DOCK7: variants seen among roughly 807,000 people sequenced by gnomAD.
The protein encoded by DOCK7 is dedicator of cytokinesis 7.
DOCK7 carries 138 observed loss-of-function variants against 271.0 expected under a neutral mutation model. The observed-to-expected ratio is 0.51, with a 90% CI of 0.44 to 0.59. The LOEUF (loss-of-function observed/expected upper bound fraction) is 0.59. Among genes scored for constraint, DOCK7 ranks in the 20% least tolerant of loss-of-function variants. DOCK7 has a pLI of 0.00. For synonymous variants in DOCK7, 823 were observed against 876.1 expected, an observed-to-expected ratio of 0.94 and a Z score of 1.07; for missense variants, 2,066 against 2,592.4, an observed-to-expected ratio of 0.80 and a Z score of 4.41.
chr1:62,532,866 G>A (rs1486365948), intron 29 of DOCK7, among the ~76,000 whole-genome samples: 3 of 152,176 alleles, frequency 2.0e-5, no homozygotes, highest in Admixed American at 6.5e-5. Flanking sequence ...TAGTATATGA[G>A]GAGGAAGAGA....
chr1:62,495,748 T>G (rs190720251), intron 38 of DOCK7, 67 bp from the exon 39 acceptor site: 2 of 1,256,472 alleles, frequency 1.6e-6, no homozygotes, highest in African/African-American at 1.5e-5. Flanking sequence ...CAAATTAGTT[T>G]CAGAGATATT....
intron 2 of DOCK7, among the ~76,000 whole-genome samples, chr1:62,656,861 A>C (rs543756795): frequency 1.4e-4 from 21 of 152,176 alleles, no homozygotes; most frequent in Non-Finnish European, 2.6e-4. Context: ...AGCCTGACAA[A>C]ACAAAAAACA....
In DOCK7 at chr1:62,688,268, TGCTGCGGCGACGGCGACGGCGGCGGCG is replaced by T. The variant is rs1038194922; in HGVS notation, c.-31_-5del. ...CGAAGGCGCGGCGCTCGGCCATGGC[TGCTGCGGCGACGGCGACGGCGGCGGCG>T]GCTGCGGCGGGCCGGGTGCGGACCG... On this transcript the variant is annotated 5_prime_UTR_variant, in exon 1 of 50. Transcript: ENST00000635253. 13 of 1,307,808 alleles carry T rather than the reference TGCTGCGGCGACGGCGACGGCGGCGGCG, an allele frequency of 9.9e-6. No individual in the cohort carries two copies. Among genetic ancestry groups the T allele is most frequent in the East Asian group, 6.9e-5 (2 of 29,188 alleles). 81.0% of individuals were successfully genotyped at this position (1,307,808 alleles called of 1,614,324 possible).
At chr1:62,604,374 C>A in intron 14 of DOCK7, 2 of 1,096,270 alleles carry the variant, frequency 1.8e-6, no homozygotes, top group African/African-American at 1.6e-5. Context: ...AACCTCTTAA[C>A]TATAATGAAA....
At chr1:62,565,800 G>C (rs1426115079) in intron 18 of DOCK7, among the ~76,000 whole-genome samples, 3 of 152,150 alleles carry the variant, frequency 2.0e-5, no homozygotes, top group East Asian at 3.9e-4. Context: ...TGTATTTTTA[G>C]AAAACCCCAT....
intron 18 of DOCK7, among the ~76,000 whole-genome samples, chr1:62,572,597 T>C (rs1646818850): frequency 6.6e-6 from 1 of 151,874 alleles, no homozygotes; most frequent in African/African-American, 2.4e-5. Flanking sequence ...GTGAGGGTTC[T>C]CACCCTGGGT....
At chr1:62,579,415 T>C (rs1019381899) in intron 16 of DOCK7, among the ~76,000 whole-genome samples, 1 of 152,110 alleles carries the variant, frequency 6.6e-6, no homozygotes, top group South Asian at 2.1e-4. Context: ...AAAAGGCATC[T>C]TTAGACAACT....
intron 21 of DOCK7, among the ~76,000 whole-genome samples, 156 bp from the exon 22 acceptor site, chr1:62,553,057 A>G: frequency 1.4e-5 from 1 of 70,190 alleles, no homozygotes; most frequent in African/African-American, 6.1e-5. Context: ...TTTTTTTGAG[A>G]CAGAGTCTCT....
intron 1 of DOCK7, among the ~76,000 whole-genome samples, chr1:62,675,164 T>C (rs113150973): frequency 9.8e-4 from 149 of 152,270 alleles, no homozygotes; most frequent in African/African-American, 3.4e-3. Context: ...CATGTAATCC[T>C]AGCATTTTGG....
intron 12 of DOCK7, 51 bp from the exon 13 acceptor site, chr1:62,620,044 G>T: frequency 7.0e-7 from 1 of 1,431,660 alleles, no homozygotes; most frequent in Non-Finnish European, 9.8e-7. Flanking sequence ...ATATAGCCAG[G>T]CACAGTGGCT....
chr1:62,495,759 TCAG>T, intron 38 of DOCK7, 78 bp from the exon 39 acceptor site: 4 of 1,147,452 alleles, frequency 3.5e-6, no homozygotes, highest in Non-Finnish European at 4.9e-6. Flanking sequence ...CAGAGATATT[TCAG>T]ATAAATATCT....
rs1645303854 is a variant in DOCK7, at chr1:62,454,821, G to A, written c.*593C>T. 1 of 185,452 alleles carries A rather than the reference G, an allele frequency of 5.4e-6. No homozygotes were observed. Among genetic ancestry groups the A allele is most frequent in the Admixed American group, 6.1e-5 (1 of 16,366 alleles). 11.5% of individuals were successfully genotyped at this position (185,452 alleles called of 1,614,324 possible). On this transcript the variant is annotated 3_prime_UTR_variant, in exon 50 of 50. Transcript: ENST00000635253. ...TTACACAAAGGTTTTACTAAGTAAA[G>A]TTCTGCAATTCTAAATTCCTGTTTT...
At chr1:62,568,991 T>C (rs71260611) in intron 18 of DOCK7, among the ~76,000 whole-genome samples, 1 of 151,938 alleles carries the variant, frequency 6.6e-6, no homozygotes, top group South Asian at 2.1e-4. Flanking sequence ...TTAGAAAATC[T>C]AGAAGAAATA....
At chr1:62,457,930 A>C (rs1366283603) in intron 48 of DOCK7, 7 of 445,448 alleles carry the variant, frequency 1.6e-5, no homozygotes, top group Non-Finnish European at 2.8e-5. Context: ...CAGGTGGACC[A>C]CTTGAGCCCA....
chr1:62,578,767 T>C (rs536878218), intron 17 of DOCK7, 61 bp downstream of exon 17: 1 of 1,167,134 alleles, frequency 8.6e-7, no homozygotes, highest in Admixed American at 2.9e-5. Flanking sequence ...ATATCAATTA[T>C]ATCTTAAATA....
At chr1:62,502,187 G>A (rs1231177622) in intron 37 of DOCK7, among the ~76,000 whole-genome samples, 1 of 151,490 alleles carries the variant, frequency 6.6e-6, no homozygotes, top group East Asian at 1.9e-4. Context: ...AATAACTTTT[G>A]TAGAATGAAC....
At position 62,555,996 on chromosome 1, in the gene DOCK7, A is replaced by G. The variant is rs766251003; in HGVS notation, c.2432-7T>C. 2 of 1,611,880 alleles carry G rather than the reference A, an allele frequency of 1.2e-6. No homozygotes were observed. The highest frequency in any genetic ancestry group is 2.2e-5 in the East Asian group (1 of 44,826). The stretch of plus-strand genomic sequence containing the variant: ...GATGCTTGACCTAGGTTAACTTTTA[A>G]GAAAGAAGAAGTATTTACCTTTGCT... On this transcript the variant is annotated splice_region_variant and splice_polypyrimidine_tract_variant and intron_variant, in intron 20 of 49. Coordinates refer to ENST00000635253, the MANE Select transcript of DOCK7 (RefSeq NM_001367561.1).
intron 12 of DOCK7, among the ~76,000 whole-genome samples, chr1:62,623,744 A>T (rs1347828088): frequency 6.6e-6 from 1 of 152,026 alleles, no homozygotes; most frequent in Non-Finnish European, 1.5e-5. Context: ...TCTTCTCTAG[A>T]CTCTCTTTTA....
intron 1 of DOCK7, among the ~76,000 whole-genome samples, chr1:62,677,325 C>T (rs1388338811): frequency 6.6e-6 from 1 of 152,126 alleles, no homozygotes; most frequent in Admixed American, 6.5e-5. Flanking sequence ...TGACCCAGCC[C>T]ACACCAATAA....
Sources: allele counts gnomAD v4.1 joint callset (sites outside exome capture counted in the v4.1 genomes callset), GRCh38; gene constraint gnomAD v4.1.1; transcripts MANE v1.5; gene names NCBI Gene and HGNC (gene_info 2026-07-23, HGNC 2026-07-21).